The following HEPACAM2 variants were observed in gnomAD, a reference collection of about 807,000 sequenced individuals.
HEPACAM2 encodes the protein mitotic kinetics regulator.
In HEPACAM2, 49 loss-of-function variants were observed where a neutral mutation model predicts 49.6. The ratio of observed to expected loss-of-function variants is 0.99; its 90% CI spans 0.78 to 1.25. The LOEUF is 1.25. Among genes scored for constraint, HEPACAM2 ranks in the 50% most tolerant of loss-of-function variants. The pLI, the probability that HEPACAM2 is intolerant of heterozygous loss-of-function variation, is 0.00. For missense variants in HEPACAM2, 525 were observed against 557.2 expected (o/e 0.94, Z 0.58); for synonymous variants, 197 against 202.9 (o/e 0.97, Z 0.25).
intron 9 of HEPACAM2, among the ~76,000 whole-genome samples, chr7:93,191,521 G>C (rs755678409): frequency 1.3e-5 from 2 of 152,132 alleles, no homozygotes; most frequent in Non-Finnish European, 2.9e-5. Flanking sequence ...GTCAATAAGT[G>C]ACAAAGAAAT....
At chr7:93,210,910 A>C (rs899617259) in intron 3 of HEPACAM2, among the ~76,000 whole-genome samples, 3 of 151,974 alleles carry the variant, frequency 2.0e-5, no homozygotes, top group Admixed American at 2.0e-4. Context: ...ACTGATTGCC[A>C]AGATTCTTTC....
At chr7:93,190,687 C>T (rs1793521048) in intron 9 of HEPACAM2, among the ~76,000 whole-genome samples, 1 of 151,798 alleles carries the variant, frequency 6.6e-6, no homozygotes, top group Non-Finnish European at 1.5e-5. Flanking sequence ...ATTCTCAAAT[C>T]TTATTTATGA....
chr7:93,209,721 A>G (rs1359889721), intron 3 of HEPACAM2, among the ~76,000 whole-genome samples: 1 of 151,932 alleles, frequency 6.6e-6, no homozygotes, highest in Non-Finnish European at 1.5e-5. Context: ...ATATTTTTAC[A>G]AGAGATTATG....
intron 4 of HEPACAM2, among the ~76,000 whole-genome samples, chr7:93,202,161 C>A (rs1793911786): frequency 6.7e-6 from 1 of 149,980 alleles, no homozygotes; most frequent in Non-Finnish European, 1.5e-5. Context: ...GATTTGGGCA[C>A]CACTTTTAGC....
At chr7:93,189,514 T>G (rs1793487751) in intron 9 of HEPACAM2, among the ~76,000 whole-genome samples, 1 of 151,998 alleles carries the variant, frequency 6.6e-6, no homozygotes, top group Admixed American at 6.6e-5. Flanking sequence ...TTCAATATAC[T>G]AACGTCAGTC....
chr7:93,202,034 A>AAAAAAAAAAAAAAAAAAAAAAC (rs1562824508), intron 4 of HEPACAM2, among the ~76,000 whole-genome samples: 11 of 3,258 alleles, frequency 3.4e-3, no homozygotes, highest in Admixed American at 8.3e-3. Flanking sequence ...AAAAAAACCA[A>AAAAAAAAAAAAAAAAAAAAAAC]AAAAAAAAAA....
intron 1 of HEPACAM2, 21 bp from the exon 2 acceptor site, chr7:93,219,472 G>A (rs747334017): frequency 1.2e-6 from 2 of 1,613,274 alleles, no homozygotes; most frequent in Non-Finnish European, 1.7e-6. Flanking sequence ...GGAAAGGAAA[G>A]TTGTGAAGAC....
At chr7:93,207,830 A>T in intron 4 of HEPACAM2, among the ~76,000 whole-genome samples, 1 of 151,934 alleles carries the variant, frequency 6.6e-6, no homozygotes, top group Admixed American at 6.6e-5. Flanking sequence ...TTAGAGCTTT[A>T]AAGATATAGA....
At chr7:93,192,525 A>G (rs1012367561) in intron 8 of HEPACAM2, among the ~76,000 whole-genome samples, 162 bp from the exon 9 acceptor site, 1 of 152,108 alleles carries the variant, frequency 6.6e-6, no homozygotes, top group Non-Finnish European at 1.5e-5. Context: ...ACTTTTCTGC[A>G]CTTACCCTAT....
intron 4 of HEPACAM2, chr7:93,205,608 C>G (rs1236250973): frequency 6.6e-6 from 1 of 152,138 alleles, no homozygotes; most frequent in Non-Finnish European, 1.5e-5. Context: ...CTCCACAGAT[C>G]TCAAGAGTTT....
intron 4 of HEPACAM2, among the ~76,000 whole-genome samples, chr7:93,198,612 T>C (rs1793795812): frequency 6.6e-6 from 1 of 152,126 alleles, no homozygotes; most frequent in South Asian, 2.1e-4. Context: ...ATGTCTTCCA[T>C]ATTACCATGT....
upstream of HEPACAM2, among the ~76,000 whole-genome samples, chr7:93,228,879 GTGTGTGTGTA>G (rs1424890176): frequency 6.6e-6 from 1 of 151,738 alleles, no homozygotes. Flanking sequence ...GTGTGTGTGT[GTGTGTGTGTA>G]TGTGTGTGTA....
At chr7:93,191,024 TAGAA>T (rs1330454788) in intron 9 of HEPACAM2, among the ~76,000 whole-genome samples, 3 of 152,042 alleles carry the variant, frequency 2.0e-5, no homozygotes, top group African/African-American at 7.2e-5. Context: ...GATTAAATCT[TAGAA>T]AGGAGACATA....
intron 1 of HEPACAM2, among the ~76,000 whole-genome samples, chr7:93,223,627 AG>A (rs1794490353): frequency 6.6e-6 from 1 of 152,162 alleles, no homozygotes; most frequent in South Asian, 2.1e-4. Context: ...TTAAATGAAA[AG>A]TTTTTTTCAA....
chr7:93,210,856 G>T (rs919279098), intron 3 of HEPACAM2, among the ~76,000 whole-genome samples: 1 of 151,780 alleles, frequency 6.6e-6, no homozygotes, highest in Non-Finnish European at 1.5e-5. Flanking sequence ...AATTTTTTGG[G>T]TCTCATTTTC....
At chr7:93,195,712 A>G in intron 8 of HEPACAM2, 116 bp downstream of exon 8, 1 of 755,642 alleles carries the variant, frequency 1.3e-6, no homozygotes, top group Admixed American at 2.2e-5. Flanking sequence ...TGCTTAATGC[A>G]GTAATGGGTA....
At chr7:93,209,479 C>A (rs893444223) in intron 3 of HEPACAM2, among the ~76,000 whole-genome samples, 3 of 151,770 alleles carry the variant, frequency 2.0e-5, no homozygotes, top group African/African-American at 7.3e-5. Flanking sequence ...GAAAATACAC[C>A]ATAAATTGCC....
In HEPACAM2 at chr7:93,195,867, A is replaced by G; in HGVS notation, c.1236T>C (p.Tyr412=). 4 of 1,613,122 alleles carry G rather than the reference A, an allele frequency of 2.5e-6. No homozygotes were observed. Among genetic ancestry groups the G allele is most frequent in the Non-Finnish European group, 3.4e-6 (4 of 1,179,458 alleles). ...AAACATCTGGAAAAGCAACAAATTC[A>G]TATATTCCGAAGTCATCCAGAGCAT... The part of the protein sequence containing the change: ...HEDALDDFGI[Y]EFVAFPDVSG... The change falls in exon 8 of 10, where the codon TAT becomes TAC. Residue 412 remains tyrosine, a synonymous_variant. Coordinates refer to ENST00000394468, the MANE Select transcript of HEPACAM2 (RefSeq NM_001039372.4).
chr7:93,221,429 A>G (rs1794448566), intron 1 of HEPACAM2, among the ~76,000 whole-genome samples: 5 of 152,178 alleles, frequency 3.3e-5, no homozygotes, highest in Admixed American at 3.3e-4. Flanking sequence ...AGGTAGAAAG[A>G]TCTGTTTGCC....
Sources: allele counts gnomAD v4.1 joint callset (sites outside exome capture counted in the v4.1 genomes callset), GRCh38; gene constraint gnomAD v4.1.1; transcripts MANE v1.5; gene names NCBI Gene and HGNC (gene_info 2026-07-23, HGNC 2026-07-21).